Variants in TRPM2 observed in about 807,000 individuals in gnomAD.
TRPM2 encodes transient receptor potential cation channel subfamily M member 2.
Under a neutral mutation model 174.0 loss-of-function variants are expected in TRPM2, and 161 were observed. That is an observed-to-expected ratio of 0.93 (90% CI 0.81 to 1.05). The LOEUF is 1.05. Ranked by LOEUF, TRPM2 falls within the 50% of genes least tolerant of loss-of-function variation. The pLI is 0.00. For synonymous variants in TRPM2, 954 were observed against 861.3 expected (o/e 1.11, Z -1.88); for missense variants, 2,057 against 2,038.0 (o/e 1.01, Z -0.18).
At chr21:44,410,853 CCG>C (rs2050084646) in intron 19 of TRPM2, among the ~76,000 whole-genome samples, 2 of 114,212 alleles carry the variant, frequency 1.8e-5, no homozygotes, top group Non-Finnish European at 3.9e-5. Context: ...TAAGTTTTGA[CCG>C]CACTGTCTTG....
Position 44,399,432 on chromosome 21 carries a change from G to A in TRPM2, c.2199G>A (p.Gly733=). 1 of 1,611,558 alleles carries A rather than the reference G, an allele frequency of 6.2e-7. No homozygotes were observed. The highest frequency in any genetic ancestry group is 2.2e-5 in the East Asian group (1 of 44,834). The change falls in exon 14 of 32, where the codon GGG becomes GGA. Residue 733 remains glycine, a synonymous_variant. Transcript: ENST00000397928. This position sits in a 1 kb window ranked among gnomAD's most constrained non-coding sequence, Gnocchi z 4.6. The part of the protein sequence containing the change: ...EAKDMKFVSH[G]GIQAFLTKVW... ...AGGACATGAAGTTTGTGTCTCACGG[G>A]GGCATCCAGGTGACCTCCCAAGAGC... is the stretch of plus-strand genomic sequence containing the variant.
At chr21:44,359,745 A>G (rs776833455) in intron 2 of TRPM2, among the ~76,000 whole-genome samples, 8 of 140,798 alleles carry the variant, frequency 5.7e-5, no homozygotes, top group South Asian at 4.4e-4. Context: ...ATATATATGT[A>G]TATATATATA....
rs528638381 is a variant in TRPM2, at chr21:44,431,115, G to T, written c.3974+4004G>T. Among the ~76,000 whole-genome samples, 11 of 151,598 alleles carry T rather than the reference G, an allele frequency of 7.3e-5. No individual in the cohort carries two copies. The East Asian group carries it at 1.9e-3, about 27-fold the overall frequency. On this transcript the variant is annotated intron_variant, in intron 27 of 31. Coordinates refer to ENST00000397928, the MANE Select transcript of TRPM2 (RefSeq NM_003307.4). The stretch of plus-strand genomic sequence containing the variant: ...CTTCCTTTCTACTTCTTATGGATTT[G>T]CTCTTGATTTGTGTGTTAGAGCTCA...
intron 8 of TRPM2, 86 bp downstream of exon 8, chr21:44,379,283 G>A: frequency 6.8e-7 from 1 of 1,471,412 alleles, no homozygotes; most frequent in Non-Finnish European, 9.3e-7. Flanking sequence ...AGGACTCATG[G>A]ACCGATGCGG....
At chr21:44,388,553 G>T (rs951320777) in intron 9 of TRPM2, among the ~76,000 whole-genome samples, 1 of 151,836 alleles carries the variant, frequency 6.6e-6, no homozygotes, top group Non-Finnish European at 1.5e-5. Context: ...ATTTGGCTGG[G>T]TGAGCTGGCT....
chr21:44,409,544 G>A (rs1465874469), intron 19 of TRPM2, among the ~76,000 whole-genome samples: 11 of 144,914 alleles, frequency 7.6e-5, no homozygotes, highest in South Asian at 2.3e-4. Context: ...TTTTGATCGT[G>A]CTGTCTTGGT....
In TRPM2 at chr21:44,417,617, C is replaced by T. The variant is rs1281486003; in HGVS notation, c.3147-310C>T. Reference sequence around the variant, plus strand: ...GCTCTCTGTGGCATCACAGTGGGCACGTGGGCGTGGCTCTGCTCTCTGGCA... The same window carrying T: ...GCTCTCTGTGGCATCACAGTGGGCATGTGGGCGTGGCTCTGCTCTCTGGCA... On this transcript the variant is annotated intron_variant, in intron 20 of 31. Coordinates refer to ENST00000397928, the MANE Select transcript of TRPM2 (RefSeq NM_003307.4). Among the ~76,000 whole-genome samples, 157 of 104,344 alleles carry T rather than the reference C, an allele frequency of 1.5e-3. 2 individuals are homozygous for T. Among genetic ancestry groups the T allele is most frequent in the Admixed American group, 1.1e-3 (12 of 10,672 alleles). The allele number at this position is 104,344 out of a possible 152,430, so 68.5% of individuals were successfully genotyped here. A position where few individuals can be genotyped will look rare whatever the true frequency, so the allele number is the denominator to read the frequency against.
At chr21:44,352,414 G>A (rs2123001265), upstream of TRPM2, among the ~76,000 whole-genome samples, 2 of 152,242 alleles carry the variant, frequency 1.3e-5, no homozygotes, top group South Asian at 4.1e-4. Context: ...GCCCGGCACC[G>A]AGCTTCGAGC....
intron 15 of TRPM2, among the ~76,000 whole-genome samples, 180 bp from the exon 16 acceptor site, chr21:44,401,481 TGGCTGTGTGTGAGGCTCCCA>T (rs1177677446): frequency 6.6e-5 from 10 of 152,108 alleles, no homozygotes; most frequent in African/African-American, 2.4e-4. Context: ...CCCACCCCGG[TGGCTGTGTGTGAGGCTCCCA>T]GGCTGTGCTG....
chr21:44,406,290 CT>C (rs1569076778), intron 18 of TRPM2, among the ~76,000 whole-genome samples: 1 of 152,112 alleles, frequency 6.6e-6, no homozygotes, highest in African/African-American at 2.4e-5. Flanking sequence ...GCTCTAGGAG[CT>C]TTCCTCCTTG....
At position 44,397,866 on chromosome 21, in the gene TRPM2, C is replaced by A; in HGVS notation, c.2052C>A (p.His684Gln). Residue 684 changes from histidine to glutamine, a missense_variant, in exon 13 of 32, where the codon CAC (histidine) becomes CAA (glutamine). His to Gln is a conservative substitution (Grantham distance 24). Coordinates refer to ENST00000397928, the MANE Select transcript of TRPM2 (RefSeq NM_003307.4). ...TGGCGCTGGCGGAGGAGTATGAGCACAGAGCCATCGGTGAGCTCTGCCGGG... is the reference window on the plus strand; with the variant it reads ...TGGCGCTGGCGGAGGAGTATGAGCAAAGAGCCATCGGTGAGCTCTGCCGGG... ...EMLALAEEYE[H>Q]RAIGVFTECY... The A allele has an allele frequency of 6.2e-7, 1 of 1,603,556 alleles. No individual in the cohort carries two copies. The highest frequency in any genetic ancestry group is 8.5e-7 in the Non-Finnish European group (1 of 1,175,228).
At chr21:44,384,171 C>T (rs1250251180) in intron 9 of TRPM2, among the ~76,000 whole-genome samples, 1 of 152,198 alleles carries the variant, frequency 6.6e-6, no homozygotes, top group Non-Finnish European at 1.5e-5. Context: ...AAAGTAGGGA[C>T]ATTACTCCTG....
At position 44,405,545 on chromosome 21, in the gene TRPM2, G is replaced by A. The variant is rs138167895; in HGVS notation, c.2657+285G>A. On this transcript the variant is annotated intron_variant, in intron 17 of 31. Transcript: ENST00000397928. ...GGAATTGTCCCAGCTCCACGGACAC[G>A]CGGCTGCCGCTTTCTCCCTCTGCCT... 5.5e-3 allele frequency among the ~76,000 whole-genome samples: 834 copies of A among 152,262 alleles called. 6 individuals are homozygous for A. Among genetic ancestry groups the A allele is most frequent in the African/African-American group, 0.019 (796 of 41,560 alleles).
In TRPM2 at chr21:44,437,272, CTGCAGCCCCT is replaced by C. The variant is rs1425768317; in HGVS notation, c.4167+106_4167+115del. 2.8e-6 allele frequency: 3 copies of C among 1,079,734 alleles called. No homozygotes were observed. In the African/African-American group the frequency reaches 5.4e-5, roughly 19 times the overall value. 66.9% of individuals were successfully genotyped at this position (1,079,734 alleles called of 1,614,324 possible). A position where few individuals can be genotyped will look rare whatever the true frequency, so the allele number is the denominator to read the frequency against. On this transcript the variant is annotated intron_variant, in intron 29 of 31. Transcript: ENST00000397928. ...CTGGACACCAGCCCCCTGCAGCCCCCTGCAGCCCCTGGGCAGGGAGGGTTCGAGACCCCGC... is the reference window on the plus strand; with the variant it reads ...CTGGACACCAGCCCCCTGCAGCCCCCGGGCAGGGAGGGTTCGAGACCCCGC...
upstream of TRPM2, among the ~76,000 whole-genome samples, chr21:44,353,067 A>T (rs1308868186): frequency 6.6e-6 from 1 of 152,218 alleles, no homozygotes; most frequent in Non-Finnish European, 1.5e-5. Flanking sequence ...AAGGCAGGAG[A>T]ATCACTTGAA....
At position 44,401,808 on chromosome 21, in the gene TRPM2, C is replaced by CTCA. The variant is rs1271207229; in HGVS notation, c.2451_2453dup (p.Leu817_Met818insIle). 6.2e-7 allele frequency: 1 copy of CTCA among 1,613,922 alleles called. No homozygotes were observed. The highest frequency in any genetic ancestry group is 8.5e-7 in the Non-Finnish European group (1 of 1,180,018). The stretch of plus-strand genomic sequence containing the variant: ...CTTCCTCTGCCTGTTCGCCTACGTG[C>CTCA]TCATGGTGGACTTCCAGCCTGTGCC... On this transcript the variant is annotated inframe_insertion, in exon 16 of 32. Coordinates refer to ENST00000397928, the MANE Select transcript of TRPM2 (RefSeq NM_003307.4).
In TRPM2 at chr21:44,354,943, G is replaced by A. The variant is rs893374261; in HGVS notation, c.254+207G>A. 5.3e-5 allele frequency among the ~76,000 whole-genome samples: 8 copies of A among 152,026 alleles called. No individual in the cohort carries two copies. The highest frequency in any genetic ancestry group is 7.4e-5 in the Non-Finnish European group (5 of 68,020). ...GGACAGTTGACCCTCATCCTGCCTC[G>A]CAGGTGCAGGGACCAAAGTGCAGAG... is the stretch of plus-strand genomic sequence containing the variant. On this transcript the variant is annotated intron_variant, in intron 2 of 31. Coordinates refer to ENST00000397928, the MANE Select transcript of TRPM2 (RefSeq NM_003307.4). The surrounding 1 kb of genome is among the most constrained non-coding windows in gnomAD (Gnocchi z 4.3).
At chr21:44,375,585 C>A (rs2048674528) in intron 5 of TRPM2, among the ~76,000 whole-genome samples, 1 of 152,242 alleles carries the variant, frequency 6.6e-6, no homozygotes, top group Non-Finnish European at 1.5e-5. Context: ...TCGGCCTCCT[C>A]TCCTGTGTGT....
rs149767174 is a variant in TRPM2 at position 44,364,231 on chromosome 21, C to T, written c.372C>T (p.Thr124=). ...DPKKHVQEMP[T]DAFGDIVFTG... is the part of the protein sequence containing the mutation. The stretch of plus-strand genomic sequence containing the variant: ...AGAAACATGTCCAGGAGATGCCAAC[C>T]GATGCCTTTGGCGACATCGTCTTCA... Residue 124 remains threonine (T), a synonymous_variant, in exon 3 of 32, where the codon ACC becomes ACT. Coordinates refer to ENST00000397928, the MANE Select transcript of TRPM2 (RefSeq NM_003307.4). 5.0e-5 allele frequency: 81 copies of T among 1,614,216 alleles called. No individual in the cohort carries two copies. Among genetic ancestry groups the T allele is most frequent in the South Asian group, 4.0e-4 (36 of 91,084 alleles).
Sources: gnomAD v4.1 joint callset for allele counts (sites outside exome capture counted in the v4.1 genomes callset) on GRCh38, gnomAD v4.1.1 for gene constraint, Gnocchi (gnomAD v3.1) non-coding constraint, MANE v1.5 for transcripts, NCBI Gene and HGNC (gene_info 2026-07-23, HGNC 2026-07-21) for gene names.